The following MGMT variants were observed in gnomAD, a reference collection of about 807,000 sequenced individuals.
The protein encoded by MGMT is O-6-methylguanine-DNA methyltransferase, also known as methylated-DNA--protein-cysteine methyltransferase.
Under a neutral mutation model 15.9 loss-of-function variants are expected in MGMT, and 14 were observed. That is an observed-to-expected ratio of 0.88 (90% CI 0.58 to 1.37). MGMT has a LOEUF of 1.37. MGMT is among the 40% of genes most tolerant of loss of function. The pLI is 0.00. For missense variants in MGMT, 282 were observed against 268.1 expected (o/e 1.05, Z -0.36); for synonymous variants, 130 against 118.2 (o/e 1.10, Z -0.65).
chr10:129,611,911 A>G (rs1846965632), intron 2 of MGMT, among the ~76,000 whole-genome samples: 1 of 152,186 alleles, frequency 6.6e-6, no homozygotes, highest in African/African-American at 2.4e-5. Context: ...TCTGTAAAAT[A>G]CTTATAGGGA....
intron 3 of MGMT, among the ~76,000 whole-genome samples, chr10:129,724,740 A>G (rs974200574): frequency 6.6e-6 from 1 of 152,198 alleles, no homozygotes; most frequent in Non-Finnish European, 1.5e-5. Flanking sequence ...TGTCAATTAT[A>G]TCATCTGAGG....
chr10:129,585,033 T>C (rs1194766614), intron 2 of MGMT, among the ~76,000 whole-genome samples: 2 of 152,204 alleles, frequency 1.3e-5, no homozygotes, highest in East Asian at 3.9e-4. Context: ...ATTGCATGTT[T>C]AGCATTTTGA....
rs529354189 is a variant in MGMT, at chr10:129,705,497, G to A, written c.126-2398G>A. ...ATTTCCGCTTTAACTGCATAAGAGA[G>A]GAAACCTTTTTAACTATAAGGAAGG... On this transcript the variant is annotated intron_variant, in intron 2 of 4. Coordinates refer to ENST00000651593, the MANE Select transcript of MGMT (RefSeq NM_002412.5). Among the ~76,000 whole-genome samples, 4 of 152,282 alleles carry A rather than the reference G, an allele frequency of 2.6e-5. No individual in the cohort carries two copies. The East Asian group carries it at 5.8e-4, about 22-fold the overall frequency.
chr10:129,756,793 C>T (rs1848812394), intron 3 of MGMT, among the ~76,000 whole-genome samples: 2 of 152,218 alleles, frequency 1.3e-5, no homozygotes. Flanking sequence ...TTAATGGTTG[C>T]CCCTTTGGGC....
chr10:129,603,705 G>C (rs143640527), intron 2 of MGMT, among the ~76,000 whole-genome samples: 201 of 152,334 alleles, frequency 1.3e-3, no homozygotes, highest in African/African-American at 4.7e-3. Flanking sequence ...TTGTTGGCAA[G>C]AATATTAGGC....
chr10:129,683,616 T>C (rs935937330), intron 2 of MGMT, among the ~76,000 whole-genome samples: 1 of 152,192 alleles, frequency 6.6e-6, no homozygotes, highest in Non-Finnish European at 1.5e-5. Flanking sequence ...CTCAAGAATG[T>C]GTTCATTCAG....
intron 2 of MGMT, among the ~76,000 whole-genome samples, chr10:129,663,529 C>G (rs1847624016): frequency 6.6e-6 from 1 of 151,846 alleles, no homozygotes; most frequent in Admixed American, 6.6e-5. Context: ...TTTATTTAAT[C>G]AGTAAATCAA....
intron 1 of MGMT, among the ~76,000 whole-genome samples, 178 bp from the exon 2 acceptor site, chr10:129,536,063 G>A (rs1404371349): frequency 6.6e-6 from 1 of 152,138 alleles, no homozygotes; most frequent in African/African-American, 2.4e-5. Flanking sequence ...GGTAATGGTG[G>A]TAATTTTCTG....
intron 2 of MGMT, among the ~76,000 whole-genome samples, chr10:129,549,752 C>T (rs1020177257): frequency 5.9e-5 from 9 of 152,124 alleles, no homozygotes; most frequent in Non-Finnish European, 1.2e-4. Flanking sequence ...GAATCACGGC[C>T]GCTGCTGGAA....
At chr10:129,749,757 T>C (rs1000417626) in intron 3 of MGMT, among the ~76,000 whole-genome samples, 3 of 152,224 alleles carry the variant, frequency 2.0e-5, no homozygotes, top group African/African-American at 7.2e-5. Flanking sequence ...GCATCCTTTT[T>C]GCTCCACATC....
At chr10:129,563,137 A>G (rs545482778) in intron 2 of MGMT, among the ~76,000 whole-genome samples, 16 of 152,192 alleles carry the variant, frequency 1.1e-4, no homozygotes, top group Non-Finnish European at 1.9e-4. Context: ...CGTTTGGTGT[A>G]TTGAATGTGT....
chr10:129,645,383 A>C (rs1847376254), intron 2 of MGMT, among the ~76,000 whole-genome samples: 2 of 152,054 alleles, frequency 1.3e-5, no homozygotes, highest in African/African-American at 4.8e-5. Context: ...CAGCCTCCCA[A>C]AGTGCTGGGA....
intron 2 of MGMT, among the ~76,000 whole-genome samples, chr10:129,672,223 GA>G (rs1343629062): frequency 6.6e-6 from 1 of 152,198 alleles, no homozygotes; most frequent in East Asian, 1.9e-4. Context: ...AGAATCCAGA[GA>G]TACTGTGACT....
intron 2 of MGMT, among the ~76,000 whole-genome samples, chr10:129,646,754 A>ATATTTTTTTTTTTTTTTTTTTTTTT: frequency 2.3e-5 from 2 of 86,676 alleles, no homozygotes; most frequent in Non-Finnish European, 5.1e-5. Flanking sequence ...ATATATATAT[A>ATATTTTTTTTTTTTTTTTTTTTTTT]TTTTCAGGGA....
intron 2 of MGMT, among the ~76,000 whole-genome samples, chr10:129,548,181 C>G (rs1272702493): frequency 6.6e-6 from 1 of 152,186 alleles, no homozygotes; most frequent in Non-Finnish European, 1.5e-5. Context: ...CTGACTCTTT[C>G]CCTTGTTCGT....
At chr10:129,686,322 A>G (rs926197200) in intron 2 of MGMT, among the ~76,000 whole-genome samples, 13 of 152,124 alleles carry the variant, frequency 8.5e-5, no homozygotes, top group African/African-American at 1.7e-4. Flanking sequence ...GGCAAGTAAG[A>G]TAATTCCACA....
At chr10:129,469,553 C>T (rs758964490) in intron 1 of MGMT, among the ~76,000 whole-genome samples, 1 of 152,160 alleles carries the variant, frequency 6.6e-6, no homozygotes, top group Non-Finnish European at 1.5e-5. Context: ...TCTAGTCCCT[C>T]CAGGGGACAC....
chr10:129,602,683 C>T (rs527733401), intron 2 of MGMT, among the ~76,000 whole-genome samples: 7 of 152,258 alleles, frequency 4.6e-5, no homozygotes, highest in Admixed American at 3.9e-4. Context: ...GTGCGCCCCA[C>T]GTGCCTGGGT....
chr10:129,509,642 C>T (rs1845660998), intron 1 of MGMT, among the ~76,000 whole-genome samples: 1 of 152,170 alleles, frequency 6.6e-6, no homozygotes, highest in Non-Finnish European at 1.5e-5. Context: ...TCCAGTTTAA[C>T]CAGAGGTGAC....
Sources: allele counts gnomAD v4.1 joint callset (sites outside exome capture counted in the v4.1 genomes callset), GRCh38; gene constraint gnomAD v4.1.1; transcripts MANE v1.5; gene names NCBI Gene and HGNC (gene_info 2026-07-23, HGNC 2026-07-21).